The following GRM6 variants were observed in gnomAD, a reference collection of about 807,000 sequenced individuals.
GRM6 encodes the protein glutamate metabotropic receptor 6.
Under a neutral mutation model 78.4 loss-of-function variants are expected in GRM6, and 73 were observed. The observed-to-expected ratio is 0.93, with a 90% confidence interval of 0.77 to 1.13. The LOEUF is 1.13. GRM6 is among the 50% of genes most tolerant of loss of function. The pLI, the probability that GRM6 is intolerant of heterozygous loss-of-function variation, is 0.00. For missense variants in GRM6, 1,251 were observed against 1,256.4 expected (o/e 1.00, Z 0.07); for synonymous variants, 580 against 555.0 (o/e 1.05, Z -0.63).
In GRM6 at chr5:178,988,403, G is replaced by A. The variant is rs1029468663; in HGVS notation, c.1354+532C>T. Among the ~76,000 whole-genome samples, 1 of 152,114 alleles carries A rather than the reference G, an allele frequency of 6.6e-6. No homozygotes were observed. The highest frequency in any genetic ancestry group is 2.4e-5 in the African/African-American group (1 of 41,422). ...TTGTGTAAAGGATAGTGATTGAACA[G>A]AAAGTCATCTCTCCACAAACCGTGG... On this transcript the variant is annotated intron_variant, in intron 7 of 10. Transcript: ENST00000517717. This position sits in a 1 kb window ranked among gnomAD's most constrained non-coding sequence, Gnocchi z 6.0.
chr5:178,982,748 G>A (rs535514391), intron 10 of GRM6, 162 bp downstream of exon 10: 172 of 632,752 alleles, frequency 2.7e-4, no homozygotes, highest in Middle Eastern at 4.2e-4. Flanking sequence ...TTAGAAGCTT[G>A]GAAAAGTGAA....
In GRM6 at chr5:178,992,168, G is replaced by T; in HGVS notation, c.505-85C>A. The T allele has an allele frequency of 1.1e-6, 1 of 897,774 alleles. No homozygotes were observed. 55.6% of individuals were successfully genotyped at this position (897,774 alleles called of 1,614,324 possible). A position where few individuals can be genotyped will look rare whatever the true frequency, so the allele number is the denominator to read the frequency against. On this transcript the variant is annotated intron_variant, in intron 2 of 10. Coordinates refer to ENST00000517717, the MANE Select transcript of GRM6 (RefSeq NM_000843.4). The surrounding 1 kb of genome is among the most constrained non-coding windows in gnomAD (Gnocchi z 4.9). ...GGTAAGGGGGGCCCAGGACACGGAC[G>T]GGGCACAGAAGGTGTGTGGCATGGA...
rs1760430191 is a variant in GRM6, at chr5:178,983,002, C to T, written c.2344G>A (p.Ala782Thr). The change falls in exon 10 of 11, where the codon GCC becomes ACC. Residue 782 changes from alanine (A) to threonine (T), a missense_variant. Physicochemically the swap from Ala to Thr is moderately conservative, Grantham distance 58 (BLOSUM62 0). Transcript: ENST00000517717. ...TACATGGTGAAGCCGATGGGCTTGG[C>T]CTCGTTGAAGGTCTCGGGCACGCCA... Reference protein sequence around the residue: ...ARGVPETFNEAKPIGFTMYTT... With the variant: ...ARGVPETFNETKPIGFTMYTT... 1.2e-6 allele frequency: 2 copies of T among 1,614,044 alleles called. No individual in the cohort carries two copies. The highest frequency in any genetic ancestry group is 1.1e-5 in the South Asian group (1 of 91,094).
intron 7 of GRM6, 110 bp from the exon 8 acceptor site, chr5:178,987,093 G>A: frequency 9.0e-7 from 1 of 1,117,022 alleles, no homozygotes; most frequent in Non-Finnish European, 1.3e-6. Flanking sequence ...AAGCATCACT[G>A]CTCATAAGGG....
chr5:178,991,614 C>T lies in GRM6; in HGVS notation c.722-55G>A, dbSNP rs1430636990. The T allele has an allele frequency of 6.3e-7, 1 of 1,592,284 alleles. No homozygotes were observed. The highest frequency in any genetic ancestry group is 2.2e-5 in the East Asian group (1 of 44,736). On this transcript the variant is annotated intron_variant, in intron 3 of 10. Coordinates refer to ENST00000517717, the MANE Select transcript of GRM6 (RefSeq NM_000843.4). This position sits in a 1 kb window ranked among gnomAD's most constrained non-coding sequence, Gnocchi z 5.0. ...CCGTCCCACCCACCCACACACCCAC[C>T]TGGCCACCGCTGCAGAGGACTGTGT...
chr5:178,983,054 C>T lies in GRM6; in HGVS notation c.2292G>A (p.Thr764=), dbSNP rs781607214. ...CLGYSLLLMV[T]CTVYAIKARG... is the part of the protein sequence containing the mutation. The stretch of plus-strand genomic sequence containing the variant: ...GGGCCTTGATGGCGTACACTGTGCA[C>T]GTGACCATGAGCAGGAGGCTGTAGC... Residue 764 remains threonine, a synonymous_variant, in exon 10 of 11, where the codon ACG becomes ACA. Coordinates refer to ENST00000517717, the MANE Select transcript of GRM6 (RefSeq NM_000843.4). The T allele has an allele frequency of 1.4e-5, 23 of 1,614,002 alleles. No individual in the cohort carries two copies. The highest frequency in any genetic ancestry group is 4.5e-5 in the East Asian group (2 of 44,878).
intron 9 of GRM6, chr5:178,985,374 G>A: frequency 2.6e-6 from 1 of 391,348 alleles, no homozygotes; most frequent in Admixed American, 3.5e-5. Context: ...TGCTGTCACA[G>A]GAGGGGAGGG....
intron 4 of GRM6, among the ~76,000 whole-genome samples, chr5:178,990,996 C>G (rs1760659395): frequency 6.6e-6 from 1 of 152,132 alleles, no homozygotes; most frequent in Non-Finnish European, 1.5e-5. Flanking sequence ...GGGGGAAAAT[C>G]CAGTTCGAAG....
rs896410668 is a variant in GRM6, at chr5:178,986,078, G to A, written c.2124+52C>T. Reference sequence around the variant, plus strand: ...TGCCTGGCCCTTTTGGCTTTGTAACGTTGCGGACAGTCCCCCTCCCTGCCC... The same window carrying A: ...TGCCTGGCCCTTTTGGCTTTGTAACATTGCGGACAGTCCCCCTCCCTGCCC... On this transcript the variant is annotated intron_variant, in intron 9 of 10. Transcript: ENST00000517717. 480 of 1,552,570 alleles carry A rather than the reference G, an allele frequency of 3.1e-4. 1 individual carries two copies. The highest frequency in any genetic ancestry group is 9.5e-4 in the Admixed American group (52 of 54,496).
rs537781040 is a variant in GRM6, at chr5:178,985,677, T to G, written c.2124+453A>C. 206 of 390,228 alleles carry G rather than the reference T, an allele frequency of 5.3e-4. 2 individuals carry two copies. Among genetic ancestry groups the G allele is most frequent in the African/African-American group, 4.2e-3 (179 of 42,292 alleles). 24.2% of individuals were successfully genotyped at this position (390,228 alleles called of 1,614,324 possible). On this transcript the variant is annotated intron_variant, in intron 9 of 10. Coordinates refer to ENST00000517717, the MANE Select transcript of GRM6 (RefSeq NM_000843.4). ...GAGATAGTGCCACTGCACTCCAGCCTGGGCGACACAGCGAGACTCTGTCTA... is the reference window on the plus strand; with the variant it reads ...GAGATAGTGCCACTGCACTCCAGCCGGGGCGACACAGCGAGACTCTGTCTA...
chr5:178,982,675 C>G (rs1361412737), intron 10 of GRM6: 1 of 381,266 alleles, frequency 2.6e-6, no homozygotes, highest in African/African-American at 3.1e-5. Context: ...CAATATCTCT[C>G]AAAGAAATGA....
rs771197740 is a variant in GRM6, at chr5:178,986,966, C to A, written c.1372G>T (p.Val458Leu). 3.1e-6 allele frequency: 5 copies of A among 1,613,818 alleles called. No individual in the cohort carries two copies. The East Asian group carries it at 6.7e-5, about 22-fold the overall frequency. ...VRFNGSAGTP[V>L]MFNENGDAPG... Reference sequence around the variant, plus strand: ...GCATCTCCGTTCTCGTTGAACATCACAGGGGTTCCTGCGCTGCCTGGAGAG... The same window carrying A: ...GCATCTCCGTTCTCGTTGAACATCAAAGGGGTTCCTGCGCTGCCTGGAGAG... Residue 458 changes from valine to leucine, a missense_variant, in exon 8 of 11, where the codon GTG becomes TTG. Transcript: ENST00000517717.
In GRM6 at chr5:178,992,162, A is replaced by C. The variant is rs903073855; in HGVS notation, c.505-79T>G. The C allele has an allele frequency of 2.1e-6, 2 of 931,660 alleles. No homozygotes were observed. Among genetic ancestry groups the C allele is most frequent in the South Asian group, 2.7e-5 (2 of 72,882 alleles). 57.7% of individuals were successfully genotyped at this position (931,660 alleles called of 1,614,324 possible). On this transcript the variant is annotated intron_variant, in intron 2 of 10. Transcript: ENST00000517717. This position sits in a 1 kb window ranked among gnomAD's most constrained non-coding sequence, Gnocchi z 4.9. ...AGGGAGGGTAAGGGGGGCCCAGGAC[A>C]CGGACGGGGCACAGAAGGTGTGTGG...
In GRM6 at chr5:178,981,971, G is replaced by A. The variant is rs1315499224; in HGVS notation, c.2437-117C>T. The stretch of plus-strand genomic sequence containing the variant: ...CTGTTTCAGTTGGGGAACTGGGAAT[G>A]AGCACTTAGACCAGGACAACAGTAT... On this transcript the variant is annotated intron_variant, in intron 10 of 10. Coordinates refer to ENST00000517717, the MANE Select transcript of GRM6 (RefSeq NM_000843.4). This position sits in a 1 kb window ranked among gnomAD's most constrained non-coding sequence, Gnocchi z 5.1. The A allele has an allele frequency of 7.5e-6, 6 of 804,770 alleles. No individual in the cohort carries two copies. Among genetic ancestry groups the A allele is most frequent in the Non-Finnish European group, 1.1e-5 (5 of 451,754 alleles). The allele number at this position is 804,770 out of a possible 1,614,324, so 49.9% of individuals were successfully genotyped here.
In GRM6 at chr5:178,979,801, A is replaced by C. The variant is rs1395790203; in HGVS notation, c.*1856T>G. ...ATGAGAAAACAGCAAATGCAGGAAA[A>C]CTTTCCCTTGGAGATCAGAGCTCAC... is the stretch of plus-strand genomic sequence containing the variant. On this transcript the variant is annotated 3_prime_UTR_variant, in exon 11 of 11. Coordinates refer to ENST00000517717, the MANE Select transcript of GRM6 (RefSeq NM_000843.4). The C allele has an allele frequency of 6.5e-6, 1 of 153,108 alleles. No individual in the cohort carries two copies. Among genetic ancestry groups the C allele is most frequent in the Non-Finnish European group, 1.5e-5 (1 of 68,056 alleles). The allele number at this position is 153,108 out of a possible 1,614,324, so 9.5% of individuals were successfully genotyped here.
intron 2 of GRM6, among the ~76,000 whole-genome samples, chr5:178,993,941 A>G (rs1174958459): frequency 6.6e-6 from 1 of 152,200 alleles, no homozygotes; most frequent in Non-Finnish European, 1.5e-5. Context: ...ATCAAAAAAG[A>G]GAAAGACCAG....
rs1219597230 is a variant in GRM6, at chr5:178,988,345, A to G, written c.1354+590T>C. Among the ~76,000 whole-genome samples, 1 of 152,152 alleles carries G rather than the reference A, an allele frequency of 6.6e-6. No homozygotes were observed. Among genetic ancestry groups the G allele is most frequent in the Non-Finnish European group, 1.5e-5 (1 of 68,028 alleles). On this transcript the variant is annotated intron_variant, in intron 7 of 10. Coordinates refer to ENST00000517717, the MANE Select transcript of GRM6 (RefSeq NM_000843.4). The surrounding 1 kb of genome is among the most constrained non-coding windows in gnomAD (Gnocchi z 6.0). ...AGAGCATGGCGGAGAGAAGGTGGTG[A>G]GTGAGTGTTCAGTGGAAGAGCGGAG... is the stretch of plus-strand genomic sequence containing the variant.
rs760937889 is a variant in GRM6, at chr5:178,991,466, T to C, written c.815A>G (p.Asn272Ser). The change falls in exon 4 of 11, where the codon AAC (asparagine) becomes AGC (serine). Residue 272 changes from asparagine to serine, a missense_variant. Coordinates refer to ENST00000517717, the MANE Select transcript of GRM6 (RefSeq NM_000843.4). The surrounding 1 kb of genome is among the most constrained non-coding windows in gnomAD (Gnocchi z 5.0). Reference sequence around the variant, plus strand: ...GGCAAAGATGATGATGCCCCGGGCGTTGGGCGTCTCCATGAGTCTCCTGAT... The same window carrying C: ...GGCAAAGATGATGATGCCCCGGGCGCTGGGCGTCTCCATGAGTCTCCTGAT... ...KVIRRLMETP[N>S]ARGIIIFANE... 15 of 1,613,216 alleles carry C rather than the reference T, an allele frequency of 9.3e-6. No individual in the cohort carries two copies. The Middle Eastern group carries it at 6.6e-4, about 71-fold the overall frequency.
At position 178,986,903 on chromosome 5, in the gene GRM6, T is replaced by G; in HGVS notation, c.1435A>C (p.Asn479His). 2 of 1,614,180 alleles carry G rather than the reference T, an allele frequency of 1.2e-6. No homozygotes were observed. The highest frequency in any genetic ancestry group is 2.2e-5 in the South Asian group (2 of 91,086). The change falls in exon 8 of 11, where the codon AAT becomes CAT. Residue 479 changes from asparagine (N) to histidine (H), a missense_variant. Transcript: ENST00000517717. ...RYDIFQYQAT[N>H]GSASSGGYQA... ...TACCCGCCACTGCTGGCACTGCCAT[T>G]GGTCGCCTGGTACTGGAAGATGTCG...
Sources: gnomAD v4.1 joint callset for allele counts (sites outside exome capture counted in the v4.1 genomes callset) on GRCh38, gnomAD v4.1.1 for gene constraint, Gnocchi (gnomAD v3.1) non-coding constraint, MANE v1.5 for transcripts, NCBI Gene and HGNC (gene_info 2026-07-23, HGNC 2026-07-21) for gene names.